GRIK4: variants seen among roughly 807,000 people sequenced by gnomAD.
GRIK4 encodes the protein glutamate receptor ionotropic, kainate 4.
Under a neutral mutation model 104.9 loss-of-function variants are expected in GRIK4, and 40 were observed. That is an observed-to-expected ratio of 0.38 (90% confidence interval 0.30 to 0.50). The LOEUF (loss-of-function observed/expected upper bound fraction) is 0.50, where lower values mean the gene tolerates loss of function less well. Ranked by LOEUF, GRIK4 falls within the 20% of genes least tolerant of loss-of-function variation. The pLI, the probability that GRIK4 is intolerant of heterozygous loss-of-function variation, is 0.93. For synonymous variants in GRIK4, 485 were observed against 524.9 expected (o/e 0.92, Z 1.04); for missense variants, 1,047 against 1,308.1 (o/e 0.80, Z 3.08).
At chr11:120,586,882 AG>A (rs1348733362) in intron 1 of GRIK4, among the ~76,000 whole-genome samples, 1 of 152,116 alleles carries the variant, frequency 6.6e-6, no homozygotes, top group East Asian at 1.9e-4. Flanking sequence ...CATAGTAGTG[AG>A]GGGAGGTCCA....
chr11:120,650,743 T>C (rs1949606434), intron 1 of GRIK4, among the ~76,000 whole-genome samples: 2 of 152,232 alleles, frequency 1.3e-5, no homozygotes, highest in African/African-American at 4.8e-5. Flanking sequence ...TAGTATTCAC[T>C]GAATAAAGTA....
chr11:120,666,310 G>A (rs1949913314), intron 3 of GRIK4, among the ~76,000 whole-genome samples: 1 of 152,234 alleles, frequency 6.6e-6, no homozygotes, highest in Non-Finnish European at 1.5e-5. Context: ...GTCAGGAAGA[G>A]TGGTCACATC....
chr11:120,949,278 A>G (rs1395835004), intron 14 of GRIK4, among the ~76,000 whole-genome samples: 1 of 152,226 alleles, frequency 6.6e-6, no homozygotes, highest in Non-Finnish European at 1.5e-5. Context: ...GTTGATGACC[A>G]GCCCTTTGTA....
intron 16 of GRIK4, among the ~76,000 whole-genome samples, chr11:120,960,078 C>T (rs1024097214): frequency 6.6e-6 from 1 of 151,984 alleles, no homozygotes; most frequent in African/African-American, 2.4e-5. Context: ...CGCCTGTAAT[C>T]CCAGCACTTT....
At chr11:120,647,703 C>T (rs1423035850) in intron 1 of GRIK4, among the ~76,000 whole-genome samples, 1 of 152,268 alleles carries the variant, frequency 6.6e-6, no homozygotes, top group African/African-American at 2.4e-5. Flanking sequence ...GGCGCAGGGA[C>T]ATTTTTCTGC....
chr11:120,586,205 G>A (rs1948660861), intron 1 of GRIK4, among the ~76,000 whole-genome samples: 1 of 152,160 alleles, frequency 6.6e-6, no homozygotes, highest in African/African-American at 2.4e-5. Flanking sequence ...CTTAGGGGAG[G>A]TCATGTGAGT....
chr11:120,834,326 C>T (rs1953516762), intron 7 of GRIK4, among the ~76,000 whole-genome samples: 1 of 150,852 alleles, frequency 6.6e-6, no homozygotes, highest in South Asian at 2.1e-4. Flanking sequence ...GAAGCTCTGC[C>T]TGTAGTGTAG....
At chr11:120,855,667 C>T (rs1458221034) in intron 8 of GRIK4, among the ~76,000 whole-genome samples, 1 of 151,796 alleles carries the variant, frequency 6.6e-6, no homozygotes, top group Admixed American at 6.6e-5. Context: ...AAGCGATTAT[C>T]CTGCCTCAGA....
intron 1 of GRIK4, among the ~76,000 whole-genome samples, chr11:120,581,356 T>C (rs1948578340): frequency 6.6e-6 from 1 of 152,240 alleles, no homozygotes. Context: ...AGACAGCCTC[T>C]TGGAGAATCT....
intron 14 of GRIK4, among the ~76,000 whole-genome samples, chr11:120,942,871 T>C (rs1276132915): frequency 6.6e-6 from 1 of 152,122 alleles, no homozygotes; most frequent in Non-Finnish European, 1.5e-5. Flanking sequence ...ATTGACTTCC[T>C]AAAGGAGAGT....
At chr11:120,797,361 G>A (rs1952540159) in intron 3 of GRIK4, among the ~76,000 whole-genome samples, 1 of 152,196 alleles carries the variant, frequency 6.6e-6, no homozygotes, top group African/African-American at 2.4e-5. Flanking sequence ...CAGGCAGCCA[G>A]GCCTGGGGGA....
chr11:120,789,744 C>T (rs753012899), intron 3 of GRIK4, among the ~76,000 whole-genome samples: 11 of 152,132 alleles, frequency 7.2e-5, no homozygotes, highest in Non-Finnish European at 1.5e-4. Context: ...AGGCCCCTCC[C>T]GCTGACTGAG....
intron 19 of GRIK4, among the ~76,000 whole-genome samples, chr11:120,976,079 A>T (rs1944556591): frequency 6.6e-6 from 1 of 152,236 alleles, no homozygotes; most frequent in Admixed American, 6.5e-5. Context: ...GTTAGTTATG[A>T]AAACATGAAC....
chr11:120,727,820 C>A (rs553236650), intron 3 of GRIK4, among the ~76,000 whole-genome samples: 5 of 151,936 alleles, frequency 3.3e-5, no homozygotes, highest in African/African-American at 1.2e-4. Context: ...AACCAATAAA[C>A]ACTATAAATA....
At chr11:120,765,391 T>C (rs11518387) in intron 3 of GRIK4, among the ~76,000 whole-genome samples, 1 of 152,116 alleles carries the variant, frequency 6.6e-6, no homozygotes, top group Non-Finnish European at 1.5e-5. Context: ...CTTCCTTGCA[T>C]TGGGTTAGTA....
At chr11:120,531,819 A>G (rs1356669119) in intron 1 of GRIK4, among the ~76,000 whole-genome samples, 1 of 151,830 alleles carries the variant, frequency 6.6e-6, no homozygotes, top group Non-Finnish European at 1.5e-5. Context: ...CAGATGATCC[A>G]CCCGCCTTGG....
intron 3 of GRIK4, among the ~76,000 whole-genome samples, chr11:120,785,973 T>C (rs1164103400): frequency 6.6e-6 from 1 of 152,196 alleles, no homozygotes; most frequent in Non-Finnish European, 1.5e-5. Context: ...AGCAACTGCT[T>C]ACTCAAGAGT....
chr11:120,562,194 G>T (rs1243821142), intron 1 of GRIK4, among the ~76,000 whole-genome samples: 1 of 152,180 alleles, frequency 6.6e-6, no homozygotes, highest in East Asian at 1.9e-4. Context: ...TTTTAATAAG[G>T]AAACTGTGAT....
intron 1 of GRIK4, among the ~76,000 whole-genome samples, chr11:120,601,537 C>T (rs7941346): frequency 0.041 from 6,181 of 150,374 alleles, 388 homozygotes; most frequent in African/African-American, 0.14. Context: ...CTGTTTAAGG[C>T]GGGGTGTGGG....
Sources: allele counts gnomAD v4.1 joint callset (sites outside exome capture counted in the v4.1 genomes callset), GRCh38; gene constraint gnomAD v4.1.1; transcripts MANE v1.5; gene names NCBI Gene and HGNC (gene_info 2026-07-23, HGNC 2026-07-21).